MPHOSPH8: variants seen among roughly 807,000 people sequenced by gnomAD.
The protein encoded by MPHOSPH8 is M-phase phosphoprotein 8.
In MPHOSPH8, 45 loss-of-function variants were observed where a neutral mutation model predicts 87.3. The ratio of observed to expected loss-of-function variants is 0.52; its 90% CI spans 0.41 to 0.66. MPHOSPH8 has a LOEUF of 0.66. Among genes scored for constraint, MPHOSPH8 ranks in the 30% least tolerant of loss-of-function variants. The pLI, the probability that MPHOSPH8 is intolerant of heterozygous loss-of-function variation, is 0.00. For missense variants in MPHOSPH8, 883 were observed against 1,020.2 expected (o/e 0.87, Z 1.83); for synonymous variants, 366 against 376.9 (o/e 0.97, Z 0.33).
At chr13:19,666,645 A>G (rs1593490845) in intron 10 of MPHOSPH8, 66 bp downstream of exon 10, 7 of 1,426,300 alleles carry the variant, frequency 4.9e-6, no homozygotes, top group Non-Finnish European at 6.6e-6. Flanking sequence ...TAGACATATT[A>G]TAATTGGAGT....
intron 2 of MPHOSPH8, among the ~76,000 whole-genome samples, chr13:19,643,830 T>G (rs1034641441): frequency 2.0e-5 from 3 of 152,120 alleles, no homozygotes; most frequent in African/African-American, 4.8e-5. Context: ...CCAGCCTCAA[T>G]AAATCCATGC....
chr13:19,661,681 T>G lies in MPHOSPH8; in HGVS notation c.1792-17T>G, dbSNP rs771671818. On this transcript the variant is annotated splice_polypyrimidine_tract_variant and intron_variant, in intron 7 of 13. Transcript: ENST00000361479. The stretch of plus-strand genomic sequence containing the variant: ...GACTAAAGATTAACACGTTTTTTAT[T>G]TAACAAACCAACACAGGATTCCAGT... 2 of 1,570,590 alleles carry G rather than the reference T, an allele frequency of 1.3e-6. No homozygotes were observed. Among genetic ancestry groups the G allele is most frequent in the Admixed American group, 1.9e-5 (1 of 53,924 alleles).
chr13:19,659,735 T>C (rs900433974), intron 7 of MPHOSPH8: 15 of 384,268 alleles, frequency 3.9e-5, no homozygotes, highest in Non-Finnish European at 7.1e-5. Flanking sequence ...AATGTACAAT[T>C]ATAGTCCCTT....
At chr13:19,649,487 G>A (rs1355831228) in intron 4 of MPHOSPH8, among the ~76,000 whole-genome samples, 1 of 152,034 alleles carries the variant, frequency 6.6e-6, no homozygotes, top group Non-Finnish European at 1.5e-5. Flanking sequence ...TATTTCTTAT[G>A]TCAGGTCTAG....
chr13:19,649,687 T>C (rs988298576), intron 4 of MPHOSPH8, among the ~76,000 whole-genome samples: 1 of 152,212 alleles, frequency 6.6e-6, no homozygotes, highest in Non-Finnish European at 1.5e-5. Context: ...GGAAAGGTGC[T>C]GGTGTGACTT....
In MPHOSPH8 at chr13:19,659,718, C is replaced by A. The variant is rs1016746867; in HGVS notation, c.1791+429C>A. On this transcript the variant is annotated intron_variant, in intron 7 of 13. Coordinates refer to ENST00000361479, the MANE Select transcript of MPHOSPH8 (RefSeq NM_017520.4). ...TTTGTAAAATAAAAAAATTGTAGAA[C>A]CCTATAAATGTACAATTATAGTCCC... 1.5e-5 allele frequency: 6 copies of A among 412,926 alleles called. No homozygotes were observed. The Admixed American group carries it at 1.8e-4, about 12-fold the overall frequency. 25.6% of individuals were successfully genotyped at this position (412,926 alleles called of 1,614,324 possible).
At chr13:19,670,980 C>T (rs541845700) in intron 12 of MPHOSPH8, 148 of 1,125,084 alleles carry the variant, frequency 1.3e-4, no homozygotes, top group African/African-American at 2.7e-4. Flanking sequence ...CCACCACATC[C>T]GGCTAATTTT....
chr13:19,641,915 T>A (rs897845204), intron 1 of MPHOSPH8, among the ~76,000 whole-genome samples, 200 bp from the exon 2 acceptor site: 14 of 152,172 alleles, frequency 9.2e-5, no homozygotes, highest in Admixed American at 7.9e-4. Flanking sequence ...ATTATAGGCA[T>A]GATCCCACTG....
chr13:19,657,692 C>G (rs1443722385), intron 5 of MPHOSPH8, among the ~76,000 whole-genome samples: 1 of 152,182 alleles, frequency 6.6e-6, no homozygotes, highest in Non-Finnish European at 1.5e-5. Context: ...GCAGCTCAGC[C>G]TTTCCAGTGG....
intron 4 of MPHOSPH8, among the ~76,000 whole-genome samples, chr13:19,649,547 G>A (rs567405754): frequency 2.6e-5 from 4 of 152,200 alleles, no homozygotes; most frequent in South Asian, 4.2e-4. Flanking sequence ...AGCTGGTAGC[G>A]TCAGGTACAG....
chr13:19,640,663 G>A (rs146967266), intron 1 of MPHOSPH8, among the ~76,000 whole-genome samples: 17 of 151,958 alleles, frequency 1.1e-4, no homozygotes, highest in Non-Finnish European at 2.2e-4. Context: ...CTACTACCAC[G>A]CCTGGCTGCC....
intron 7 of MPHOSPH8, chr13:19,661,074 C>T (rs1177098899): frequency 1.4e-5 from 6 of 424,172 alleles, no homozygotes; most frequent in Non-Finnish European, 1.9e-5. Context: ...CCTGGGCTGA[C>T]ATAGCAACAC....
intron 10 of MPHOSPH8, among the ~76,000 whole-genome samples, 185 bp from the exon 11 acceptor site, chr13:19,668,192 T>C (rs1875919691): frequency 6.6e-6 from 1 of 152,174 alleles, no homozygotes; most frequent in Non-Finnish European, 1.5e-5. Context: ...TCAATTCCAC[T>C]GAGATGGACA....
chr13:19,672,876 A>T lies in MPHOSPH8; in HGVS notation c.*1001A>T, dbSNP rs1876215109. On this transcript the variant is annotated 3_prime_UTR_variant, in exon 14 of 14. Transcript: ENST00000361479. ...GCGCTTTGGAGGCTGAGGTTGGAGG[A>T]TTGCTTAAGTCCAGGAGTTCAAGAC... The T allele has an allele frequency of 5.8e-6, 2 of 345,310 alleles. No homozygotes were observed. Among genetic ancestry groups the T allele is most frequent in the Non-Finnish European group, 1.1e-5 (2 of 176,640 alleles). 21.4% of individuals were successfully genotyped at this position (345,310 alleles called of 1,614,324 possible).
rs756232163 is a variant in MPHOSPH8 at position 19,672,826 on chromosome 13, G to A, written c.*951G>A. ...ATTAAATGTGAACTTTTAGCAGAGC[G>A]TGGTGGCTCACACCTATAATCCCAG... On this transcript the variant is annotated 3_prime_UTR_variant, in exon 14 of 14. Transcript: ENST00000361479. 3.0e-5 allele frequency: 9 copies of A among 297,508 alleles called. No individual in the cohort carries two copies. Among genetic ancestry groups the A allele is most frequent in the African/African-American group, 6.5e-5 (3 of 46,170 alleles). The allele number at this position is 297,508 out of a possible 1,614,324, so 18.4% of individuals were successfully genotyped here. A position where few individuals can be genotyped will look rare whatever the true frequency, so the allele number is the denominator to read the frequency against.
chr13:19,657,485 A>G (rs1306205474), intron 5 of MPHOSPH8, among the ~76,000 whole-genome samples: 2 of 149,890 alleles, frequency 1.3e-5, no homozygotes, highest in East Asian at 2.0e-4. Context: ...CAGAAATCAC[A>G]TGAACCTGGG....
intron 2 of MPHOSPH8, among the ~76,000 whole-genome samples, chr13:19,645,150 C>T (rs1874499598): frequency 6.6e-6 from 1 of 152,094 alleles, no homozygotes; most frequent in African/African-American, 2.4e-5. Context: ...CCGCCTTGCC[C>T]AGTGCACAGC....
intron 7 of MPHOSPH8, chr13:19,660,941 T>C: frequency 1.0e-6 from 1 of 985,228 alleles, no homozygotes; most frequent in South Asian, 4.7e-5. Flanking sequence ...GCCTTTAGGA[T>C]TTAATACACA....
At chr13:19,658,860 G>T in intron 5 of MPHOSPH8, 135 bp from the exon 6 acceptor site, 1 of 1,050,288 alleles carries the variant, frequency 9.5e-7, no homozygotes. Flanking sequence ...TCAATTAAAA[G>T]ACCCCATTAT....
Sources: gnomAD v4.1 joint callset for allele counts (sites outside exome capture counted in the v4.1 genomes callset) on GRCh38, gnomAD v4.1.1 for gene constraint, MANE v1.5 for transcripts, NCBI Gene and HGNC (gene_info 2026-07-23, HGNC 2026-07-21) for gene names.